Variants in XPOT observed in about 807,000 individuals in gnomAD.
XPOT encodes exportin-T.
In XPOT, 34 loss-of-function variants were observed where a neutral mutation model predicts 128.2. That is an observed-to-expected ratio of 0.27 (90% CI 0.20 to 0.35). The LOEUF is 0.35. XPOT is among the 10% of genes least tolerant of loss of function. The probability of loss-of-function intolerance (pLI) is 1.00; values close to 1 mark genes in which losing one functional copy is unlikely to be tolerated. For missense variants in XPOT, 838 were observed against 1,125.3 expected (o/e 0.74, Z 3.65); for synonymous variants, 348 against 394.3 (o/e 0.88, Z 1.39).
chr12:64,419,351 T>G (rs2040117859), intron 6 of XPOT, among the ~76,000 whole-genome samples: 1 of 152,204 alleles, frequency 6.6e-6, no homozygotes, highest in African/African-American at 2.4e-5. Context: ...GGAGTCTTGC[T>G]CTGTTCCCCA....
In XPOT at chr12:64,410,009, C is replaced by T. The variant is rs1300224221; in HGVS notation, c.-27C>T. ...GATCAGAGGGCACGCCTATTACAACCAGAAAACTACAAGTATAACAGCGAG... is the reference window on the plus strand; with the variant it reads ...GATCAGAGGGCACGCCTATTACAACTAGAAAACTACAAGTATAACAGCGAG... On this transcript the variant is annotated 5_prime_UTR_variant, in exon 2 of 25. Transcript: ENST00000332707. The T allele has an allele frequency of 6.2e-7, 1 of 1,609,744 alleles. No homozygotes were observed. The highest frequency in any genetic ancestry group is 1.3e-5 in the African/African-American group (1 of 74,818).
At chr12:64,417,628 T>G (rs1291108827) in intron 4 of XPOT, among the ~76,000 whole-genome samples, 1 of 152,198 alleles carries the variant, frequency 6.6e-6, no homozygotes, top group Admixed American at 6.5e-5. Flanking sequence ...ACCAGGCCTG[T>G]TTTTCTACAT....
chr12:64,417,992 C>A, intron 4 of XPOT, 54 bp from the exon 5 acceptor site: 2 of 1,428,972 alleles, frequency 1.4e-6, no homozygotes, highest in Non-Finnish European at 1.9e-6. Flanking sequence ...TTATTTTTTA[C>A]AACCATAGAC....
intron 18 of XPOT, 66 bp from the exon 19 acceptor site, chr12:64,433,348 T>C: frequency 7.1e-7 from 1 of 1,408,420 alleles, no homozygotes. Context: ...TTATGTAAAA[T>C]AGTTTTTTCT....
At chr12:64,411,029 C>A (rs531585208) in intron 2 of XPOT, among the ~76,000 whole-genome samples, 66 of 152,214 alleles carry the variant, frequency 4.3e-4, no homozygotes, top group African/African-American at 1.5e-3. Context: ...CAGTAAAAAA[C>A]AATCCCAACT....
Position 64,430,109 on chromosome 12 carries a change from G to A in XPOT, c.1798G>A (p.Gly600Arg). The change falls in exon 17 of 25, where the codon GGA becomes AGA. Residue 600 changes from glycine (G) to arginine (R), a missense_variant. Coordinates refer to ENST00000332707, the MANE Select transcript of XPOT (RefSeq NM_007235.6). ...TCAACTTTTTATTTATGAGACAGCT[G>A]GAGTGCTGATTGTTAATAGTGAATA... ...DDQLFIYETA[G>R]VLIVNSEYPA... 6.2e-7 allele frequency: 1 copy of A among 1,613,606 alleles called. No homozygotes were observed. Among genetic ancestry groups the A allele is most frequent in the Non-Finnish European group, 8.5e-7 (1 of 1,179,732 alleles).
intron 11 of XPOT, 76 bp from the exon 12 acceptor site, chr12:64,424,523 T>C (rs2040171939): frequency 1.3e-6 from 2 of 1,543,912 alleles, no homozygotes; most frequent in South Asian, 1.2e-5. Context: ...TACATAGGTA[T>C]ACATGTAGCC....
chr12:64,434,371 T>C (rs965222615), intron 19 of XPOT, 136 bp from the exon 20 acceptor site: 9 of 616,558 alleles, frequency 1.5e-5, no homozygotes, highest in Non-Finnish European at 2.6e-5. Flanking sequence ...ATTCTGTAAA[T>C]GCTTTTTTCC....
intron 15 of XPOT, among the ~76,000 whole-genome samples, chr12:64,427,007 A>AT (rs1449762845): frequency 6.6e-6 from 1 of 152,144 alleles, no homozygotes; most frequent in African/African-American, 2.4e-5. Context: ...GAAGATGGAA[A>AT]TAAAAAAAAA....
Position 64,416,712 on chromosome 12 carries a change from A to G in XPOT, c.158A>G (p.Lys53Arg). The G allele has an allele frequency of 1.9e-6, 3 of 1,613,070 alleles. No homozygotes were observed. The highest frequency in any genetic ancestry group is 1.1e-5 in the South Asian group (1 of 90,990). The change falls in exon 4 of 25, where the codon AAG becomes AGG. Residue 53 changes from lysine to arginine, a missense_variant. Coordinates refer to ENST00000332707, the MANE Select transcript of XPOT (RefSeq NM_007235.6). Reference sequence around the variant, plus strand: ...TTCTTTTTCAGTGATGATCATGTGAAGTTTTTCTGCTTTCAAGTACTGGAA... The same window carrying G: ...TTCTTTTTCAGTGATGATCATGTGAGGTTTTTCTGCTTTCAAGTACTGGAA... The part of the protein sequence containing the change: ...AQRTYSDDHV[K>R]FFCFQVLEHQ...
intron 15 of XPOT, 35 bp from the exon 16 acceptor site, chr12:64,428,014 CTG>C: frequency 7.3e-7 from 1 of 1,376,566 alleles, no homozygotes; most frequent in Non-Finnish European, 1.0e-6. Flanking sequence ...GTTTTGAGCA[CTG>C]TTATTAATTG....
chr12:64,431,387 G>A, intron 17 of XPOT, 151 bp from the exon 18 acceptor site: 1 of 730,868 alleles, frequency 1.4e-6, no homozygotes, highest in Non-Finnish European at 2.2e-6. Flanking sequence ...AGCCATATTA[G>A]CTAAAGATGG....
intron 6 of XPOT, among the ~76,000 whole-genome samples, chr12:64,419,556 G>A (rs1267007874): frequency 2.6e-5 from 4 of 152,152 alleles, no homozygotes; most frequent in Non-Finnish European, 5.9e-5. Flanking sequence ...TGATCCGCCC[G>A]CCTTGCCCTC....
rs2040154442 is a variant in XPOT at position 64,423,045 on chromosome 12, TAA to T, written c.1119+3_1119+4del. Reference sequence around the variant, plus strand: ...GATCAGCAAAAAGCTAATGTAGAGGTAATTGACTTTATGCTTCTTTTAAACCA... The same window carrying T: ...GATCAGCAAAAAGCTAATGTAGAGGTTTGACTTTATGCTTCTTTTAAACCA... On this transcript the variant is annotated splice_donor_region_variant and intron_variant, in intron 10 of 24. Transcript: ENST00000332707. The T allele has an allele frequency of 6.2e-7, 1 of 1,613,088 alleles. No homozygotes were observed. The highest frequency in any genetic ancestry group is 1.3e-5 in the African/African-American group (1 of 74,878).
intron 3 of XPOT, among the ~76,000 whole-genome samples, chr12:64,416,196 G>A (rs920155742): frequency 7.9e-5 from 12 of 152,188 alleles, no homozygotes; most frequent in African/African-American, 2.7e-4. Flanking sequence ...TGTCCTGTAC[G>A]AAACTTTGAA....
At chr12:64,426,378 A>G (rs2040192852) in intron 15 of XPOT, among the ~76,000 whole-genome samples, 1 of 152,084 alleles carries the variant, frequency 6.6e-6, no homozygotes, top group Non-Finnish European at 1.5e-5. Flanking sequence ...GAACAAAATC[A>G]TGTCCTTTAC....
At chr12:64,441,259 T>C (rs2040322283) in intron 23 of XPOT, among the ~76,000 whole-genome samples, 1 of 152,220 alleles carries the variant, frequency 6.6e-6, no homozygotes. Context: ...TCAAATTCTA[T>C]TTTGTTCCAT....
At chr12:64,442,120 G>T (rs192859313) in intron 23 of XPOT, among the ~76,000 whole-genome samples, 1 of 151,664 alleles carries the variant, frequency 6.6e-6, no homozygotes, top group African/African-American at 2.4e-5. Context: ...TTCCAGAGTC[G>T]TCATCTTTTT....
chr12:64,444,090 TCA>T (rs2040348258), intron 23 of XPOT, among the ~76,000 whole-genome samples: 1 of 152,220 alleles, frequency 6.6e-6, no homozygotes, highest in South Asian at 2.1e-4. Context: ...ATAAGGAACC[TCA>T]GTTTTCCCTT....
Sources: gnomAD v4.1 joint callset for allele counts (sites outside exome capture counted in the v4.1 genomes callset) on GRCh38, gnomAD v4.1.1 for gene constraint, MANE v1.5 for transcripts, NCBI Gene and HGNC (gene_info 2026-07-23, HGNC 2026-07-21) for gene names.